Variants in FOXC1 observed in about 807,000 individuals in gnomAD.
FOXC1 encodes the protein forkhead box protein C1.
A neutral mutation model predicts 8.1 loss-of-function variants in FOXC1; 5 were observed. That is an observed-to-expected ratio of 0.62 (90% CI 0.32 to 1.30). The LOEUF is 1.30. FOXC1 is among the 50% of genes most tolerant of loss of function. The pLI is 0.05. For missense variants in FOXC1, 942 were observed against 858.0 expected (o/e 1.10, Z -1.22); for synonymous variants, 552 against 417.2 (o/e 1.32, Z -3.94).
Position 1,610,468 on chromosome 6 carries a change from C to T in FOXC1, c.23C>T (p.Ser8Phe). Residue 8 changes from serine to phenylalanine, a missense_variant, in exon 1 of 1, where the codon TCC becomes TTC. This residue lies in a region of FOXC1 where 190 missense variants were observed against 176.8 expected (regional missense o/e 1.07). Transcript: ENST00000645831. Reference sequence around the variant, plus strand: ...GCCATGCAGGCGCGCTACTCCGTGTCCAGCCCCAACTCCCTGGGAGTGGTG... The same window carrying T: ...GCCATGCAGGCGCGCTACTCCGTGTTCAGCCCCAACTCCCTGGGAGTGGTG... MQARYSV[S>F]SPNSLGVVPY... 1.4e-6 allele frequency: 2 copies of T among 1,459,116 alleles called. No homozygotes were observed. The highest frequency in any genetic ancestry group is 1.8e-6 in the Non-Finnish European group (2 of 1,107,492). 90.4% of individuals were successfully genotyped at this position (1,459,116 alleles called of 1,614,324 possible).
Position 1,611,026 on chromosome 6 carries a change from C to CGCCCCCGCCCGGCCGCCA in FOXC1, c.593_610dup (p.Gly198_Pro203dup). ...AAGGACAGGCTGCACCTCAAGGAGC[C>CGCCCCCGCCCGGCCGCCA]GCCCCCGCCCGGCCGCCAGCCCCCG... is the stretch of plus-strand genomic sequence containing the variant. On this transcript the variant is annotated inframe_insertion, in exon 1 of 1. Transcript: ENST00000645831. The surrounding 1 kb of genome is among the most constrained non-coding windows in gnomAD (Gnocchi z 7.1). 1.3e-6 allele frequency: 2 copies of CGCCCCCGCCCGGCCGCCA among 1,557,874 alleles called. No homozygotes were observed. Among genetic ancestry groups the CGCCCCCGCCCGGCCGCCA allele is most frequent in the Non-Finnish European group, 1.7e-6 (2 of 1,152,606 alleles).
In FOXC1 at chr6:1,610,943, C is replaced by G; in HGVS notation, c.498C>G (p.Ser166Arg). 6.2e-7 allele frequency: 1 copy of G among 1,613,642 alleles called. No homozygotes were observed. The highest frequency in any genetic ancestry group is 8.5e-7 in the Non-Finnish European group (1 of 1,179,918). The stretch of plus-strand genomic sequence containing the variant: ...CCTACAACATGTTCGAGAACGGCAG[C>G]TTCCTGCGGCGGCGGCGGCGCTTCA... Reference protein sequence around the residue: ...PDSYNMFENGSFLRRRRRFKK... With the variant: ...PDSYNMFENGRFLRRRRRFKK... The change falls in exon 1 of 1, where the codon AGC (serine) becomes AGG (arginine). Residue 166 changes from serine (S) to arginine (R), a missense_variant. Physicochemically the swap from Ser to Arg is moderately radical, Grantham distance 110. This residue lies in a region of FOXC1 where 26 missense variants were observed against 65.5 expected (regional missense o/e 0.40). Coordinates refer to ENST00000645831, the MANE Select transcript of FOXC1 (RefSeq NM_001453.3).
In FOXC1 at chr6:1,613,410, T is replaced by A. The variant is rs765022070; in HGVS notation, c.*1303T>A. ...GTATTACATAGAAGGATTGCTTTTT[T>A]AAAAATATACTGCGGGTTGGAAAGG... On this transcript the variant is annotated 3_prime_UTR_variant, in exon 1 of 1. Transcript: ENST00000645831. 14 of 230,370 alleles carry A rather than the reference T, an allele frequency of 6.1e-5. No individual in the cohort carries two copies. Among genetic ancestry groups the A allele is most frequent in the Admixed American group, 4.1e-4 (7 of 17,116 alleles). The allele number at this position is 230,370 out of a possible 1,614,324, so 14.3% of individuals were successfully genotyped here. A position where few individuals can be genotyped will look rare whatever the true frequency, so the allele number is the denominator to read the frequency against.
At position 1,613,011 on chromosome 6, in the gene FOXC1, G is replaced by T; in HGVS notation, c.*904G>T. The T allele has an allele frequency of 4.4e-6, 1 of 227,642 alleles. No homozygotes were observed. Among genetic ancestry groups the T allele is most frequent in the Non-Finnish European group, 9.5e-6 (1 of 105,396 alleles). 14.1% of individuals were successfully genotyped at this position (227,642 alleles called of 1,614,324 possible). A position where few individuals can be genotyped will look rare whatever the true frequency, so the allele number is the denominator to read the frequency against. The stretch of plus-strand genomic sequence containing the variant: ...GATTTATTTTCCTGCAGCATCTTCT[G>T]CAAAATGTACTATATAGTCAGCTTG... On this transcript the variant is annotated 3_prime_UTR_variant, in exon 1 of 1. Transcript: ENST00000645831.
Position 1,610,883 on chromosome 6 carries a change from G to A in FOXC1, c.438G>A (p.Pro146=), listed in dbSNP as rs144066933. 4 of 1,614,008 alleles carry A rather than the reference G, an allele frequency of 2.5e-6. No homozygotes were observed. Among genetic ancestry groups the A allele is most frequent in the African/African-American group, 1.3e-5 (1 of 75,020 alleles). Residue 146 remains proline, a synonymous_variant, in exon 1 of 1, where the codon CCG becomes CCA. Transcript: ENST00000645831. Reference sequence around the variant, plus strand: ...AGGTGCCGCGCGACGACAAGAAGCCGGGCAAGGGCAGCTACTGGACGCTGG... The same window carrying A: ...AGGTGCCGCGCGACGACAAGAAGCCAGGCAAGGGCAGCTACTGGACGCTGG... ...FVKVPRDDKK[P]GKGSYWTLDP... is the part of the protein sequence containing the mutation.
rs537378863 is a variant in FOXC1, at chr6:1,612,941, C to G, written c.*834C>G. 9.0e-6 allele frequency: 2 copies of G among 221,730 alleles called. No homozygotes were observed. Among genetic ancestry groups the G allele is most frequent in the Non-Finnish European group, 2.0e-5 (2 of 101,934 alleles). 13.7% of individuals were successfully genotyped at this position (221,730 alleles called of 1,614,324 possible). ...TAAATCTCTGAAAAATGGAGAAACC[C>G]TCTGACTAGTCCATGTCAAATTTTA... On this transcript the variant is annotated 3_prime_UTR_variant, in exon 1 of 1. Coordinates refer to ENST00000645831, the MANE Select transcript of FOXC1 (RefSeq NM_001453.3).
chr6:1,612,422 CG>C lies in FOXC1; in HGVS notation c.*316del, dbSNP rs1047409599. 1.8e-5 allele frequency: 9 copies of C among 489,998 alleles called. No homozygotes were observed. The highest frequency in any genetic ancestry group is 3.4e-5 in the Non-Finnish European group (9 of 265,032). The allele number at this position is 489,998 out of a possible 1,614,324, so 30.4% of individuals were successfully genotyped here. A position where few individuals can be genotyped will look rare whatever the true frequency, so the allele number is the denominator to read the frequency against. On this transcript the variant is annotated 3_prime_UTR_variant, in exon 1 of 1. Coordinates refer to ENST00000645831, the MANE Select transcript of FOXC1 (RefSeq NM_001453.3). ...AAGGACAGTGTTACTCCAGATAACACGTAAGTTTCTTCTTGCTTTTCAGAGA... is the reference window on the plus strand; with the variant it reads ...AAGGACAGTGTTACTCCAGATAACACTAAGTTTCTTCTTGCTTTTCAGAGA...
In FOXC1 at chr6:1,611,323, C is replaced by G; in HGVS notation, c.878C>G (p.Pro293Arg). ...LSLDGADSAP[P>R]PPAPSAPPPH... ...CTGGACGGTGCGGATTCCGCGCCGC[C>G]GCCGCCCGCGCCCTCCGCCCCGCCG... The change falls in exon 1 of 1, where the codon CCG (proline) becomes CGG (arginine). Residue 293 changes from proline to arginine, a missense_variant. This residue lies in a region of FOXC1 where 726 missense variants were observed against 599.6 expected (regional missense o/e 1.21). Coordinates refer to ENST00000645831, the MANE Select transcript of FOXC1 (RefSeq NM_001453.3). The surrounding 1 kb of genome is among the most constrained non-coding windows in gnomAD (Gnocchi z 7.1). 7.1e-7 allele frequency: 1 copy of G among 1,415,096 alleles called. No individual in the cohort carries two copies. Among genetic ancestry groups the G allele is most frequent in the Non-Finnish European group, 9.2e-7 (1 of 1,083,154 alleles). The allele number at this position is 1,415,096 out of a possible 1,614,324, so 87.7% of individuals were successfully genotyped here.
Position 1,610,616 on chromosome 6 carries a change from G to C in FOXC1, c.171G>C (p.Pro57=), listed in dbSNP as rs188085399. The change falls in exon 1 of 1, where the codon CCG becomes CCC. Residue 57 remains proline, a synonymous_variant. Transcript: ENST00000645831. The stretch of plus-strand genomic sequence containing the variant: ...ACCCTGCGCACGCCGAGCAGTACCC[G>C]GGCGGCATGGCCCGCGCCTACGGGC... ...YSHPAHAEQY[P]GGMARAYGPY... The C allele has an allele frequency of 4.7e-5, 75 of 1,611,118 alleles. No individual in the cohort carries two copies. In the African/African-American group the frequency reaches 6.5e-4, roughly 14 times the overall value.
At position 1,611,407 on chromosome 6, in the gene FOXC1, C is replaced by A. The variant is rs754743917; in HGVS notation, c.962C>A (p.Pro321Gln). The part of the protein sequence containing the change: ...DNIMTSLRGS[P>Q]QSAAAELSSG... ...ATCATGACGTCGCTGCGGGGGTCGC[C>A]GCAGAGCGCGGCCGCGGAGCTCAGC... is the stretch of plus-strand genomic sequence containing the variant. The change falls in exon 1 of 1, where the codon CCG becomes CAG. Residue 321 changes from proline (P) to glutamine (Q), a missense_variant. Coordinates refer to ENST00000645831, the MANE Select transcript of FOXC1 (RefSeq NM_001453.3). This position sits in a 1 kb window ranked among gnomAD's most constrained non-coding sequence, Gnocchi z 7.1. 3.7e-4 allele frequency: 538 copies of A among 1,449,808 alleles called. 1 individual carries two copies. The highest frequency in any genetic ancestry group is 8.1e-4 in the South Asian group (62 of 76,760). 89.8% of individuals were successfully genotyped at this position (1,449,808 alleles called of 1,614,324 possible). A position where few individuals can be genotyped will look rare whatever the true frequency, so the allele number is the denominator to read the frequency against.
At position 1,612,711 on chromosome 6, in the gene FOXC1, T is replaced by C; in HGVS notation, c.*604T>C. On this transcript the variant is annotated 3_prime_UTR_variant, in exon 1 of 1. Coordinates refer to ENST00000645831, the MANE Select transcript of FOXC1 (RefSeq NM_001453.3). ...TTGCCTGAAACTTTAAATTGTGCTT[T>C]TTTTCTCATTATAAAAAGGGAAACT... 4.5e-6 allele frequency: 1 copy of C among 221,542 alleles called. No homozygotes were observed. The highest frequency in any genetic ancestry group is 7.5e-5 in the East Asian group (1 of 13,316). 13.7% of individuals were successfully genotyped at this position (221,542 alleles called of 1,614,324 possible).
At position 1,612,708 on chromosome 6, in the gene FOXC1, C is replaced by CT. The variant is rs1181001203; in HGVS notation, c.*608dup. On this transcript the variant is annotated 3_prime_UTR_variant, in exon 1 of 1. Transcript: ENST00000645831. Reference sequence around the variant, plus strand: ...AAATTGCCTGAAACTTTAAATTGTGCTTTTTTTCTCATTATAAAAAGGGAA... The same window carrying CT: ...AAATTGCCTGAAACTTTAAATTGTGCTTTTTTTTCTCATTATAAAAAGGGAA... The CT allele has an allele frequency of 9.0e-6, 2 of 221,622 alleles. No homozygotes were observed. The highest frequency in any genetic ancestry group is 9.9e-6 in the Non-Finnish European group (1 of 101,432). The allele number at this position is 221,622 out of a possible 1,614,324, so 13.7% of individuals were successfully genotyped here. A position where few individuals can be genotyped will look rare whatever the true frequency, so the allele number is the denominator to read the frequency against.
Position 1,610,662 on chromosome 6 carries a change from C to A in FOXC1, c.217C>A (p.Pro73Thr). Reference protein sequence around the residue: ...AYGPYTPQPQPKDMVKPPYSY... With the variant: ...AYGPYTPQPQTKDMVKPPYSY... ...CGGGCCCTACACGCCGCAGCCGCAGCCCAAGGACATGGTGAAGCCGCCCTA... is the reference window on the plus strand; with the variant it reads ...CGGGCCCTACACGCCGCAGCCGCAGACCAAGGACATGGTGAAGCCGCCCTA... The change falls in exon 1 of 1, where the codon CCC becomes ACC. Residue 73 changes from proline (P) to threonine (T), a missense_variant. Pro to Thr is a conservative substitution (Grantham distance 38, BLOSUM62 -1). This residue lies in a region of FOXC1 where 190 missense variants were observed against 176.8 expected (regional missense o/e 1.07). Coordinates refer to ENST00000645831, the MANE Select transcript of FOXC1 (RefSeq NM_001453.3). 6.2e-7 allele frequency: 1 copy of A among 1,613,504 alleles called. No individual in the cohort carries two copies. The highest frequency in any genetic ancestry group is 2.2e-5 in the East Asian group (1 of 44,822).
Position 1,611,136 on chromosome 6 carries a change from G to T in FOXC1, c.691G>T (p.Gly231Cys). Reference sequence around the variant, plus strand: ...CATCCAGGACATCAAGACCGAGAACGGTACGTGCCCCTCGCCGCCCCAGCC... The same window carrying T: ...CATCCAGGACATCAAGACCGAGAACTGTACGTGCCCCTCGCCGCCCCAGCC... ...VRIQDIKTENGTCPSPPQPLS... is the reference protein window; with the variant it reads ...VRIQDIKTENCTCPSPPQPLS... The change falls in exon 1 of 1, where the codon GGT becomes TGT. Residue 231 changes from glycine (G) to cysteine (C), a missense_variant. Transcript: ENST00000645831. This position sits in a 1 kb window ranked among gnomAD's most constrained non-coding sequence, Gnocchi z 7.1. 1 of 1,427,136 alleles carries T rather than the reference G, an allele frequency of 7.0e-7. No individual in the cohort carries two copies. Among genetic ancestry groups the T allele is most frequent in the Non-Finnish European group, 9.3e-7 (1 of 1,080,356 alleles). The allele number at this position is 1,427,136 out of a possible 1,614,324, so 88.4% of individuals were successfully genotyped here. A position where few individuals can be genotyped will look rare whatever the true frequency, so the allele number is the denominator to read the frequency against.
chr6:1,611,267 G>C lies in FOXC1; in HGVS notation c.822G>C (p.Pro274=), dbSNP rs1050688240. ...GCCTGTCCAGCGGGAGCAGCCCCCC[G>C]GGCAGCCTGCCGTCGGCGCGGCCGC... ...SSSLSSGSSP[P]GSLPSARPLS... Residue 274 remains proline (P), a synonymous_variant, in exon 1 of 1, where the codon CCG becomes CCC. Transcript: ENST00000645831. This position sits in a 1 kb window ranked among gnomAD's most constrained non-coding sequence, Gnocchi z 7.1. 7.1e-7 allele frequency: 1 copy of C among 1,401,202 alleles called. No homozygotes were observed. Among genetic ancestry groups the C allele is most frequent in the Non-Finnish European group, 9.3e-7 (1 of 1,078,340 alleles). 86.8% of individuals were successfully genotyped at this position (1,401,202 alleles called of 1,614,324 possible).
In FOXC1 at chr6:1,613,252, A is replaced by G. The variant is rs1762586036; in HGVS notation, c.*1145A>G. On this transcript the variant is annotated 3_prime_UTR_variant, in exon 1 of 1. Coordinates refer to ENST00000645831, the MANE Select transcript of FOXC1 (RefSeq NM_001453.3). ...GCTTGTGTATTCCATATAAAATTGC[A>G]GTGCATATTATACATCCCTGTGAGC... 2 of 235,900 alleles carry G rather than the reference A, an allele frequency of 8.5e-6. No homozygotes were observed. Among genetic ancestry groups the G allele is most frequent in the Non-Finnish European group, 1.8e-5 (2 of 110,648 alleles). The allele number at this position is 235,900 out of a possible 1,614,324, so 14.6% of individuals were successfully genotyped here.
At position 1,611,347 on chromosome 6, in the gene FOXC1, C is replaced by T. The variant is rs1218529952; in HGVS notation, c.902C>T (p.Pro301Leu). The T allele has an allele frequency of 7.0e-7, 1 of 1,430,414 alleles. No homozygotes were observed. The highest frequency in any genetic ancestry group is 1.3e-5 in the South Asian group (1 of 74,908). 88.6% of individuals were successfully genotyped at this position (1,430,414 alleles called of 1,614,324 possible). A position where few individuals can be genotyped will look rare whatever the true frequency, so the allele number is the denominator to read the frequency against. The change falls in exon 1 of 1, where the codon CCG becomes CTG. Residue 301 changes from proline (P) to leucine (L), a missense_variant. Pro to Leu is a moderately conservative substitution (Grantham distance 98). Coordinates refer to ENST00000645831, the MANE Select transcript of FOXC1 (RefSeq NM_001453.3). The surrounding 1 kb of genome is among the most constrained non-coding windows in gnomAD (Gnocchi z 7.1). ...APPPPAPSAPPPHHSQGFSVD... is the reference protein window; with the variant it reads ...APPPPAPSAPLPHHSQGFSVD... ...CCGCCGCCCGCGCCCTCCGCCCCGC[C>T]GCCGCACCATAGCCAGGGCTTCAGC...
At position 1,611,789 on chromosome 6, in the gene FOXC1, C is replaced by CGGCGGA; in HGVS notation, c.1349_1350insAGGCGG (p.Gly455_Gly456dup). 1 of 1,457,262 alleles carries CGGCGGA rather than the reference C, an allele frequency of 6.9e-7. No individual in the cohort carries two copies. The highest frequency in any genetic ancestry group is 9.0e-7 in the Non-Finnish European group (1 of 1,107,880). The allele number at this position is 1,457,262 out of a possible 1,614,324, so 90.3% of individuals were successfully genotyped here. Reference sequence around the variant, plus strand: ...GCTCGTCGTCCCTGAGTCACGGCGGCGGCGGCGGCGGCGGCGGGGGAGGCC... The same window carrying CGGCGGA: ...GCTCGTCGTCCCTGAGTCACGGCGGCGGCGGAGGCGGCGGCGGCGGCGGGGGAGGCC... On this transcript the variant is annotated inframe_insertion, in exon 1 of 1. Transcript: ENST00000645831. The surrounding 1 kb of genome is among the most constrained non-coding windows in gnomAD (Gnocchi z 7.1).
At position 1,611,579 on chromosome 6, in the gene FOXC1, C is replaced by T. The variant is rs1161340359; in HGVS notation, c.1134C>T (p.Gly378=). The T allele has an allele frequency of 8.6e-7, 1 of 1,158,920 alleles. No individual in the cohort carries two copies. Among genetic ancestry groups the T allele is most frequent in the Non-Finnish European group, 1.1e-6 (1 of 945,352 alleles). 71.8% of individuals were successfully genotyped at this position (1,158,920 alleles called of 1,614,324 possible). A position where few individuals can be genotyped will look rare whatever the true frequency, so the allele number is the denominator to read the frequency against. ...TSSAGSSGGG[G]GGAGAAGGAG... ...GCGCGGGCAGCTCGGGCGGCGGCGG[C>T]GGCGGCGCGGGGGCCGCGGGGGGCG... is the stretch of plus-strand genomic sequence containing the variant. The change falls in exon 1 of 1, where the codon GGC becomes GGT. Residue 378 remains glycine (G), a synonymous_variant. Transcript: ENST00000645831. This position sits in a 1 kb window ranked among gnomAD's most constrained non-coding sequence, Gnocchi z 7.1.
Sources: gnomAD v4.1 joint callset for allele counts on GRCh38, gnomAD v4.1.1 for gene constraint, gnomAD v4.1.1 regional missense constraint, Gnocchi (gnomAD v3.1) non-coding constraint, MANE v1.5 for transcripts, NCBI Gene and HGNC (gene_info 2026-07-23, HGNC 2026-07-21) for gene names.